The following RABGAP1 variants were observed in gnomAD, a reference collection of about 807,000 sequenced individuals.
RABGAP1 encodes the protein rab GTPase-activating protein 1.
A neutral mutation model predicts 137.6 loss-of-function variants in RABGAP1; 23 were observed. That is an observed-to-expected ratio of 0.17 (90% CI 0.12 to 0.24). The LOEUF (loss-of-function observed/expected upper bound fraction) is 0.24. Ranked by LOEUF, RABGAP1 falls within the 10% of genes least tolerant of loss-of-function variation. The pLI is 1.00. For synonymous variants in RABGAP1, 451 were observed against 450.7 expected, an observed-to-expected ratio of 1.00 and a Z score of -0.01; for missense variants, 906 against 1,275.8, an observed-to-expected ratio of 0.71 and a Z score of 4.42.
intron 8 of RABGAP1, 75 bp from the exon 9 acceptor site, chr9:122,997,184 A>T: frequency 8.8e-7 from 1 of 1,133,332 alleles, no homozygotes; most frequent in Non-Finnish European, 1.3e-6. Context: ...TCTGGTTTTT[A>T]AAGGCAGCAA....
At chr9:123,076,499 A>G (rs889179911) in intron 18 of RABGAP1, 135 bp from the exon 19 acceptor site, 5 of 1,094,478 alleles carry the variant, frequency 4.6e-6, no homozygotes, top group East Asian at 2.6e-5. Context: ...GGATGTATGC[A>G]GGTGGCTCTG....
At chr9:123,096,850 G>A (rs1289722091) in intron 21 of RABGAP1, among the ~76,000 whole-genome samples, 3 of 152,182 alleles carry the variant, frequency 2.0e-5, no homozygotes, top group Non-Finnish European at 2.9e-5. Context: ...GATTACAGGC[G>A]TGAGCCACCG....
intron 19 of RABGAP1, among the ~76,000 whole-genome samples, chr9:123,082,511 A>C (rs2034740753): frequency 6.6e-6 from 1 of 152,242 alleles, no homozygotes. Flanking sequence ...TATGCAAGGG[A>C]AGCTCTTTCT....
chr9:123,023,587 T>G (rs1198369894), intron 13 of RABGAP1, among the ~76,000 whole-genome samples: 1 of 151,912 alleles, frequency 6.6e-6, no homozygotes, highest in East Asian at 1.9e-4. Context: ...GCTTGTTTTT[T>G]GTTGTCTTTT....
intron 1 of RABGAP1, among the ~76,000 whole-genome samples, chr9:122,955,562 A>G (rs1834470332): frequency 6.6e-6 from 1 of 152,258 alleles, no homozygotes; most frequent in Admixed American, 6.5e-5. Context: ...TAGCTGTGCC[A>G]TTAACTGGTT....
chr9:123,056,355 T>G (rs972461418), intron 13 of RABGAP1, among the ~76,000 whole-genome samples: 1 of 152,232 alleles, frequency 6.6e-6, no homozygotes, highest in Admixed American at 6.5e-5. Context: ...AAATGACTAT[T>G]CAGAAACAGA....
Position 123,101,750 on chromosome 9 carries a change from A to C in RABGAP1, c.3074A>C (p.Glu1025Ala), listed in dbSNP as rs757193105. ...ACCAAACTCCAGCTGGTGGAGGCCG[A>C]GTGTAAGATACAGGTAACAGCAGCA... The part of the protein sequence containing the change: ...AQTKLQLVEA[E>A]CKIQDLEHHL... Residue 1025 changes from glutamate (E) to alanine (A), a missense_variant, in exon 25 of 26, where the codon GAG becomes GCG. Glu to Ala is a moderately radical substitution (Grantham distance 107, BLOSUM62 -1). Transcript: ENST00000373647. The C allele has an allele frequency of 2.3e-5, 37 of 1,609,354 alleles. No homozygotes were observed. Among genetic ancestry groups the C allele is most frequent in the Admixed American group, 6.7e-5 (4 of 59,314 alleles).
chr9:122,971,224 G>A (rs1342196068), intron 2 of RABGAP1, among the ~76,000 whole-genome samples: 1 of 152,190 alleles, frequency 6.6e-6, no homozygotes, highest in Non-Finnish European at 1.5e-5. Context: ...CACTAATTTG[G>A]AGGAGGGTCT....
At chr9:123,031,222 G>C (rs2032278675) in intron 13 of RABGAP1, among the ~76,000 whole-genome samples, 1 of 152,062 alleles carries the variant, frequency 6.6e-6, no homozygotes, top group South Asian at 2.1e-4. Context: ...TAGTAGAAAA[G>C]CCTAGACTTT....
chr9:122,998,528 T>C, intron 9 of RABGAP1, 69 bp from the exon 10 acceptor site: 1 of 1,218,992 alleles, frequency 8.2e-7, no homozygotes, highest in Non-Finnish European at 1.1e-6. Context: ...ATAGCTTTTA[T>C]GGAATCTTAT....
upstream of RABGAP1, chr9:122,938,600 G>A (rs1833427932): frequency 6.6e-6 from 1 of 152,162 alleles, no homozygotes; most frequent in Non-Finnish European, 1.5e-5. Flanking sequence ...CAACATGTAT[G>A]TCATCACTAA....
chr9:123,001,967 A>T (rs761379445), intron 10 of RABGAP1, among the ~76,000 whole-genome samples: 1 of 152,224 alleles, frequency 6.6e-6, no homozygotes, highest in Non-Finnish European at 1.5e-5. Flanking sequence ...CGCATCAGAA[A>T]TTAAACTAGT....
At chr9:123,079,502 G>A (rs2034641878) in intron 19 of RABGAP1, among the ~76,000 whole-genome samples, 3 of 151,988 alleles carry the variant, frequency 2.0e-5, no homozygotes, top group African/African-American at 2.4e-5. Flanking sequence ...GCCTCCCAGA[G>A]TGCTGGGATT....
intron 2 of RABGAP1, among the ~76,000 whole-genome samples, chr9:122,957,760 T>G (rs1424226503): frequency 6.6e-6 from 1 of 152,204 alleles, no homozygotes; most frequent in Non-Finnish European, 1.5e-5. Flanking sequence ...TAATTCCTGT[T>G]AACATCTTTT....
intron 11 of RABGAP1, among the ~76,000 whole-genome samples, chr9:123,012,592 TC>T (rs1380130991): frequency 3.3e-5 from 5 of 152,238 alleles, no homozygotes; most frequent in African/African-American, 4.8e-5. Flanking sequence ...TACTGATAGT[TC>T]TTAACTAGGG....
chr9:122,996,851 A>G (rs1209153591), intron 8 of RABGAP1: 2 of 474,212 alleles, frequency 4.2e-6, no homozygotes, highest in Non-Finnish European at 7.6e-6. Context: ...ATTTGAGTAC[A>G]GTTGATGTGA....
chr9:122,948,193 T>C (rs1834042919), intron 1 of RABGAP1, among the ~76,000 whole-genome samples: 1 of 152,194 alleles, frequency 6.6e-6, no homozygotes, highest in Non-Finnish European at 1.5e-5. Context: ...TCTTTCAGAC[T>C]TGATTCTTTT....
At chr9:123,065,705 C>T (rs1044040245) in intron 14 of RABGAP1, 5 of 436,032 alleles carry the variant, frequency 1.1e-5, no homozygotes, top group Admixed American at 1.1e-4. Context: ...TGACAGTTCC[C>T]TGGCTCCACA....
At chr9:123,044,944 T>C (rs946872168) in intron 13 of RABGAP1, among the ~76,000 whole-genome samples, 2 of 152,130 alleles carry the variant, frequency 1.3e-5, no homozygotes, top group Non-Finnish European at 2.9e-5. Context: ...GACTAAAGAC[T>C]GTAATGAAGT....
Sources: allele counts gnomAD v4.1 joint callset (sites outside exome capture counted in the v4.1 genomes callset), GRCh38; gene constraint gnomAD v4.1.1; transcripts MANE v1.5; gene names NCBI Gene and HGNC (gene_info 2026-07-23, HGNC 2026-07-21).